DAB1: variants seen among roughly 807,000 people sequenced by gnomAD.
The protein encoded by DAB1 is disabled homolog 1.
Under a neutral mutation model 64.6 loss-of-function variants are expected in DAB1, and 15 were observed. The observed-to-expected ratio is 0.23, with a 90% CI of 0.16 to 0.36. The LOEUF is 0.36. Among genes scored for constraint, DAB1 ranks in the 10% least tolerant of loss-of-function variants. DAB1 has a pLI of 1.00. For synonymous variants in DAB1, 235 were observed against 251.9 expected, an observed-to-expected ratio of 0.93 and a Z score of 0.64; for missense variants, 596 against 706.7, an observed-to-expected ratio of 0.84 and a Z score of 1.78.
At chr1:57,034,074 A>G (rs765482785) in intron 9 of DAB1, among the ~76,000 whole-genome samples, 2 of 151,974 alleles carry the variant, frequency 1.3e-5, no homozygotes, top group Non-Finnish European at 2.9e-5. Flanking sequence ...AGGTCAGGAG[A>G]TCGAGACCAG....
intron 7 of DAB1, among the ~76,000 whole-genome samples, chr1:57,461,697 A>C (rs1686784158): frequency 6.6e-6 from 1 of 152,166 alleles, no homozygotes; most frequent in African/African-American, 2.4e-5. Context: ...TTTCTGCTGA[A>C]GGCTGGACTA....
At chr1:57,895,665 T>C (rs1644382026) in intron 5 of DAB1, among the ~76,000 whole-genome samples, 1 of 152,192 alleles carries the variant, frequency 6.6e-6, no homozygotes, top group Non-Finnish European at 1.5e-5. Context: ...ATTCCTAGAA[T>C]AATTCCTGGC....
In DAB1 at chr1:57,132,182, A is replaced by G. The variant is rs1163854320; in HGVS notation, c.306+4361T>C. Among the ~76,000 whole-genome samples the G allele has an allele frequency of 3.9e-5, 6 of 152,268 alleles. No homozygotes were observed. The East Asian group carries it at 9.7e-4, about 25-fold the overall frequency. On this transcript the variant is annotated intron_variant, in intron 4 of 14. Coordinates refer to ENST00000371236, the MANE Select transcript of DAB1 (RefSeq NM_001365792.1). ...CATGGACAACTCTGTTCACACTTGTATCTGTATCACACAATGACTCACACA... is the reference window on the plus strand; with the variant it reads ...CATGGACAACTCTGTTCACACTTGTGTCTGTATCACACAATGACTCACACA...
At chr1:57,923,709 G>A (rs956342045) in intron 5 of DAB1, among the ~76,000 whole-genome samples, 2 of 152,298 alleles carry the variant, frequency 1.3e-5, no homozygotes, top group East Asian at 1.9e-4. Flanking sequence ...ATATAACAGG[G>A]CTGAAACAAG....
chr1:57,529,346 C>G (rs1419345210), intron 7 of DAB1, among the ~76,000 whole-genome samples: 1 of 151,942 alleles, frequency 6.6e-6, no homozygotes, highest in East Asian at 1.9e-4. Context: ...CAATAAAAAA[C>G]AAATACCAAG....
At chr1:58,508,600 G>A (rs1041211432) in intron 2 of DAB1, among the ~76,000 whole-genome samples, 1 of 152,148 alleles carries the variant, frequency 6.6e-6, no homozygotes, top group Admixed American at 6.6e-5. Context: ...ACTCCTTGGG[G>A]AAGGAAAAAC....
intron 4 of DAB1, among the ~76,000 whole-genome samples, chr1:58,179,661 A>G (rs1313079227): frequency 6.6e-6 from 1 of 151,996 alleles, no homozygotes; most frequent in Admixed American, 6.6e-5. Flanking sequence ...AATTTCTGTA[A>G]GGTGGTTAGT....
At chr1:58,290,510 A>G (rs1661791591) in intron 4 of DAB1, among the ~76,000 whole-genome samples, 1 of 152,212 alleles carries the variant, frequency 6.6e-6, no homozygotes, top group Non-Finnish European at 1.5e-5. Context: ...CATGCAGTGC[A>G]CTAAGGACTT....
chr1:57,878,022 T>C (rs1481091199), intron 1 of DAB1, among the ~76,000 whole-genome samples: 1 of 152,194 alleles, frequency 6.6e-6, no homozygotes, highest in Non-Finnish European at 1.5e-5. Flanking sequence ...TTTTCGGGTG[T>C]CTATAATTAC....
intron 2 of DAB1, among the ~76,000 whole-genome samples, chr1:58,525,592 A>G (rs952004948): frequency 1.3e-5 from 2 of 152,130 alleles, no homozygotes; most frequent in African/African-American, 2.4e-5. Flanking sequence ...AAAATATATC[A>G]TATTTATGGA....
At chr1:58,546,309 G>A (rs552052308) in intron 1 of DAB1, among the ~76,000 whole-genome samples, 1 of 152,224 alleles carries the variant, frequency 6.6e-6, no homozygotes, top group Non-Finnish European at 1.5e-5. Flanking sequence ...TGAGGAGCCC[G>A]AAGCCCCGCG....
At chr1:57,482,527 T>C (rs1342598616) in intron 7 of DAB1, among the ~76,000 whole-genome samples, 2 of 143,888 alleles carry the variant, frequency 1.4e-5, no homozygotes, top group Non-Finnish European at 3.0e-5. Flanking sequence ...TTGCAGGGTA[T>C]GAACCTAGAA....
At chr1:57,756,537 G>C (rs1257939711) in intron 6 of DAB1, among the ~76,000 whole-genome samples, 1 of 152,082 alleles carries the variant, frequency 6.6e-6, no homozygotes, top group African/African-American at 2.4e-5. Flanking sequence ...GAAGTTATTG[G>C]GGGGTTTTAA....
chr1:57,589,041 G>A (rs1645412389), intron 7 of DAB1, among the ~76,000 whole-genome samples: 1 of 152,170 alleles, frequency 6.6e-6, no homozygotes, highest in Admixed American at 6.5e-5. Flanking sequence ...TTCGAGACCA[G>A]CCTGACCAAA....
chr1:57,778,666 T>A (rs1166839320), intron 6 of DAB1, among the ~76,000 whole-genome samples: 2 of 152,158 alleles, frequency 1.3e-5, no homozygotes, highest in Non-Finnish European at 2.9e-5. Flanking sequence ...GTTCTAGTTC[T>A]TCCATTCGCC....
intron 1 of DAB1, among the ~76,000 whole-genome samples, chr1:57,402,388 A>G (rs1683315545): frequency 6.6e-6 from 1 of 152,238 alleles, no homozygotes; most frequent in African/African-American, 2.4e-5. Flanking sequence ...CTGATTAAAT[A>G]AATAGCTTCA....
intron 6 of DAB1, among the ~76,000 whole-genome samples, chr1:57,759,336 G>A (rs2101815008): frequency 6.6e-6 from 1 of 152,214 alleles, no homozygotes; most frequent in African/African-American, 2.4e-5. Context: ...ATGTAAAACT[G>A]GGATAATAAT....
At chr1:57,156,003 C>T (rs1660186369) in intron 2 of DAB1, among the ~76,000 whole-genome samples, 1 of 152,018 alleles carries the variant, frequency 6.6e-6, no homozygotes. Context: ...TTTGGATGCC[C>T]TAAGAATCAA....
At chr1:57,975,954 G>T (rs1028536940) in intron 5 of DAB1, among the ~76,000 whole-genome samples, 2 of 152,170 alleles carry the variant, frequency 1.3e-5, no homozygotes, top group Non-Finnish European at 2.9e-5. Flanking sequence ...ATACTTCCAA[G>T]AACTATAGTG....
Sources: gnomAD v4.1 joint callset for allele counts (sites outside exome capture counted in the v4.1 genomes callset) on GRCh38, gnomAD v4.1.1 for gene constraint, MANE v1.5 for transcripts, NCBI Gene and HGNC (gene_info 2026-07-23, HGNC 2026-07-21) for gene names.